MAOA: variants seen among roughly 807,000 people sequenced by gnomAD.
MAOA encodes amine oxidase [flavin-containing] A.
In MAOA, 6 loss-of-function variants were observed where a neutral mutation model predicts 42.0. The ratio of observed to expected loss-of-function variants is 0.14; its 90% confidence interval spans 0.08 to 0.28. The LOEUF is 0.28. Ranked by LOEUF, MAOA falls within the 10% of genes least tolerant of loss-of-function variation. The pLI is 1.00. For synonymous variants in MAOA, 140 were observed against 154.0 expected (o/e 0.91, Z 0.67); for missense variants, 262 against 422.3 (o/e 0.62, Z 3.33).
At chrX:43,656,277 G>C, upstream of MAOA, 1 of 1,035,038 alleles carries the variant, frequency 9.7e-7, no homozygotes, top group Non-Finnish European at 1.4e-6. Context: ...TTGATAGAAG[G>C]GTCCTTCCCA....
intron 13 of MAOA, 24 bp from the exon 14 acceptor site, chrX:43,744,085 A>G: frequency 1.7e-6 from 2 of 1,205,215 alleles, no homozygotes; most frequent in Non-Finnish European, 2.2e-6. Flanking sequence ...CTCTTTTCAT[A>G]ATACCATGGT....
intron 1 of MAOA, among the ~76,000 whole-genome samples, chrX:43,667,912 AG>A (rs907133016): frequency 4.5e-5 from 5 of 112,289 alleles, no homozygotes; most frequent in African/African-American, 1.6e-4. Context: ...TTTATTTCAA[AG>A]AACTTTCATA....
chrX:43,709,406 A>ATATT (rs752091106), intron 3 of MAOA, among the ~76,000 whole-genome samples: 118 of 110,570 alleles, frequency 1.1e-3, no homozygotes, highest in Middle Eastern at 9.4e-3. Flanking sequence ...ACTATTGAGA[A>ATATT]TATTTATTTA....
intron 12 of MAOA, among the ~76,000 whole-genome samples, chrX:43,742,613 T>C (rs1402222795): frequency 8.9e-6 from 1 of 112,322 alleles, no homozygotes. Context: ...TGCTCAGTTA[T>C]AAGACTTGCT....
At chrX:43,685,327 A>G (rs1203957531) in intron 2 of MAOA, among the ~76,000 whole-genome samples, 3 of 111,957 alleles carry the variant, frequency 2.7e-5, no homozygotes, top group Admixed American at 9.5e-5. Flanking sequence ...TTCCTTCGCC[A>G]AAAGACCCCA....
intron 1 of MAOA, among the ~76,000 whole-genome samples, chrX:43,665,012 G>C (rs1294850028): frequency 9.0e-6 from 1 of 111,538 alleles, no homozygotes; most frequent in Non-Finnish European, 1.9e-5. Flanking sequence ...CCTAGGTGAT[G>C]ATGCATATCA....
chrX:43,734,476 T>A (rs962225663), intron 9 of MAOA, among the ~76,000 whole-genome samples: 2 of 111,718 alleles, frequency 1.8e-5, no homozygotes, highest in Middle Eastern at 9.3e-3. Context: ...TCAAATAACC[T>A]TCCAGGTGTT....
intron 3 of MAOA, among the ~76,000 whole-genome samples, chrX:43,704,953 A>G (rs1339782149): frequency 8.9e-6 from 1 of 112,150 alleles, no homozygotes; most frequent in African/African-American, 3.2e-5. Flanking sequence ...ACATTGAAAT[A>G]AATTAAAGAT....
At chrX:43,668,629 G>C (rs2033302655) in intron 1 of MAOA, among the ~76,000 whole-genome samples, 1 of 111,934 alleles carries the variant, frequency 8.9e-6, no homozygotes, top group South Asian at 3.7e-4. Flanking sequence ...ACTAAACCAG[G>C]ATTTACCTAC....
At chrX:43,690,686 A>T (rs2033525544) in intron 2 of MAOA, among the ~76,000 whole-genome samples, 1 of 111,947 alleles carries the variant, frequency 8.9e-6, no homozygotes, top group South Asian at 3.7e-4. Flanking sequence ...TTTCTGCCCA[A>T]GTTTTTTCAT....
At chrX:43,695,130 G>T (rs766984285) in intron 3 of MAOA, among the ~76,000 whole-genome samples, 1 of 111,464 alleles carries the variant, frequency 9.0e-6, no homozygotes, top group South Asian at 3.8e-4. Flanking sequence ...TCATTATCCC[G>T]ATATATGGCC....
In MAOA at chrX:43,745,294, C is replaced by G. The variant is rs1485063866; in HGVS notation, c.*781C>G. The G allele has an allele frequency of 8.9e-6, 1 of 112,057 alleles. No individual in the cohort carries two copies. Among genetic ancestry groups the G allele is most frequent in the Admixed American group, 9.5e-5 (1 of 10,564 alleles). The allele number at this position is 112,057 out of a possible 1,213,427, so 9.2% of individuals were successfully genotyped here. A position where few individuals can be genotyped will look rare whatever the true frequency, so the allele number is the denominator to read the frequency against. On this transcript the variant is annotated 3_prime_UTR_variant, in exon 15 of 15. Transcript: ENST00000338702. The stretch of plus-strand genomic sequence containing the variant: ...CAGAGGAAAATAGTGGCAGGACTGT[C>G]CCCCAGGAGGACTCCCTGCTTAGCT...
chrX:43,688,485 T>TG (rs902214270), intron 2 of MAOA, among the ~76,000 whole-genome samples: 1 of 112,039 alleles, frequency 8.9e-6, no homozygotes, highest in African/African-American at 3.3e-5. Flanking sequence ...TTCACCACAT[T>TG]GGCCAGGCTG....
At chrX:43,696,843 A>C (rs903424497) in intron 3 of MAOA, among the ~76,000 whole-genome samples, 1 of 112,918 alleles carries the variant, frequency 8.9e-6, no homozygotes, top group Non-Finnish European at 1.9e-5. Flanking sequence ...ACATCAACAC[A>C]ATGGTAATAT....
At chrX:43,690,389 A>G (rs1030836847) in intron 2 of MAOA, among the ~76,000 whole-genome samples, 1 of 111,439 alleles carries the variant, frequency 9.0e-6, no homozygotes, top group African/African-American at 3.3e-5. Flanking sequence ...AATCTACTTG[A>G]TAATATTTTC....
chrX:43,720,221 A>T (rs2033778008), intron 5 of MAOA, among the ~76,000 whole-genome samples: 1 of 109,672 alleles, frequency 9.1e-6, no homozygotes, highest in Non-Finnish European at 1.9e-5. Context: ...GTGTTAGGGG[A>T]TGGTGTCTTC....
intron 5 of MAOA, among the ~76,000 whole-genome samples, chrX:43,724,783 T>A (rs1232704552): frequency 3.6e-5 from 4 of 112,099 alleles, no homozygotes; most frequent in Non-Finnish European, 5.6e-5. Context: ...CAGTTTTAGA[T>A]CTTCCCTGCT....
At chrX:43,673,266 C>A (rs1434547249) in intron 1 of MAOA, among the ~76,000 whole-genome samples, 2 of 111,609 alleles carry the variant, frequency 1.8e-5, no homozygotes, top group African/African-American at 3.3e-5. Flanking sequence ...GTTTGTATTT[C>A]TGTGGGATCA....
At chrX:43,679,060 C>T (rs2033423027) in intron 1 of MAOA, among the ~76,000 whole-genome samples, 1 of 111,533 alleles carries the variant, frequency 9.0e-6, no homozygotes, top group East Asian at 2.8e-4. Context: ...CTTTTAGAAA[C>T]CATTTATCTG....
Sources: gnomAD v4.1 joint callset for allele counts (sites outside exome capture counted in the v4.1 genomes callset) on GRCh38, gnomAD v4.1.1 for gene constraint, MANE v1.5 for transcripts, NCBI Gene and HGNC (gene_info 2026-07-23, HGNC 2026-07-21) for gene names.